TMPRSS3: variants seen among roughly 807,000 people sequenced by gnomAD.
The protein encoded by TMPRSS3 is transmembrane serine protease 3.
TMPRSS3 carries 55 observed loss-of-function variants against 59.6 expected under a neutral mutation model. The observed-to-expected ratio is 0.92, with a 90% CI of 0.74 to 1.16. TMPRSS3 has a LOEUF of 1.16. Among genes scored for constraint, TMPRSS3 ranks in the 50% most tolerant of loss-of-function variants. The pLI is 0.00. For missense variants in TMPRSS3, 596 were observed against 579.4 expected, an observed-to-expected ratio of 1.03 and a Z score of -0.29; for synonymous variants, 257 against 237.7, an observed-to-expected ratio of 1.08 and a Z score of -0.75.
chr21:42,378,287 G>T (rs1438638430), intron 10 of TMPRSS3, among the ~76,000 whole-genome samples: 2 of 152,214 alleles, frequency 1.3e-5, no homozygotes, highest in South Asian at 2.1e-4. Context: ...CCTTCAGCTG[G>T]GGGTGGGCTC....
chr21:42,390,118 T>G, intron 2 of TMPRSS3, 81 bp from the exon 3 acceptor site: 1 of 1,054,676 alleles, frequency 9.5e-7, no homozygotes, highest in Admixed American at 1.9e-5. Context: ...TAACTATCCT[T>G]TCCCCCTCCC....
intron 12 of TMPRSS3, among the ~76,000 whole-genome samples, chr21:42,373,612 C>T (rs925367995): frequency 1.3e-5 from 2 of 152,250 alleles, no homozygotes; most frequent in African/African-American, 4.8e-5. Flanking sequence ...ATTTAACAAA[C>T]ATCCTGAGAG....
At chr21:42,376,894 C>T (rs566668462) in intron 10 of TMPRSS3, among the ~76,000 whole-genome samples, 23 of 152,292 alleles carry the variant, frequency 1.5e-4, no homozygotes, top group East Asian at 5.8e-4. Context: ...TGCCCTCCTA[C>T]GAGTGGCCGC....
At position 42,385,052 on chromosome 21, in the gene TMPRSS3, C is replaced by CCTTCCTTCCTCCCTCT. The variant is rs546624538; in HGVS notation, c.572+356_572+357insAGAGGGAGGAAGGAAG. 2.3e-3 allele frequency among the ~76,000 whole-genome samples: 283 copies of CCTTCCTTCCTCCCTCT among 125,452 alleles called. 5 individuals are homozygous for CCTTCCTTCCTCCCTCT. Among genetic ancestry groups the CCTTCCTTCCTCCCTCT allele is most frequent in the Middle Eastern group, 8.0e-3 (2 of 250 alleles). The allele number at this position is 125,452 out of a possible 152,430, so 82.3% of individuals were successfully genotyped here. On this transcript the variant is annotated intron_variant, in intron 6 of 12. Transcript: ENST00000644384. ...CCCTCTCTTCCTCCCTCCCTCCCTT[C>CCTTCCTTCCTCCCTCT]CTTCCTCCCTCCCTCCCTCCCTTCC...
chr21:42,396,021 C>G lies in TMPRSS3; in HGVS notation c.-131G>C, dbSNP rs56369547. The stretch of plus-strand genomic sequence containing the variant: ...CAGTGTTACTGGCTTCCCATAAACA[C>G]AGCCCTTTCCTGGCTCACACGGGCA... On this transcript the variant is annotated 5_prime_UTR_variant, in exon 1 of 13. Transcript: ENST00000644384. 3,752 of 519,004 alleles carry G rather than the reference C, an allele frequency of 7.2e-3. 22 individuals are homozygous for G. The highest frequency in any genetic ancestry group is 0.01 in the Non-Finnish European group (2,612 of 259,866). The allele number at this position is 519,004 out of a possible 1,614,324, so 32.1% of individuals were successfully genotyped here.
rs1381470681 is a variant in TMPRSS3, at chr21:42,372,687, A to T, written c.*75T>A. The T allele has an allele frequency of 1.3e-6, 2 of 1,522,988 alleles. No homozygotes were observed. The highest frequency in any genetic ancestry group is 1.7e-5 in the Admixed American group (1 of 59,928). The allele number at this position is 1,522,988 out of a possible 1,614,324, so 94.3% of individuals were successfully genotyped here. ...GGTGTCTGCTCGTGTGCAGGTTCCT[A>T]CACGGGAGTCCAGGGGAGGATCGGG... is the stretch of plus-strand genomic sequence containing the variant. On this transcript the variant is annotated 3_prime_UTR_variant, in exon 13 of 13. Coordinates refer to ENST00000644384, the MANE Select transcript of TMPRSS3 (RefSeq NM_001256317.3).
chr21:42,390,437 G>A (rs2052716827), intron 2 of TMPRSS3: 1 of 244,426 alleles, frequency 4.1e-6, no homozygotes, highest in Non-Finnish European at 8.1e-6. Context: ...TTATAAAAAG[G>A]GGGAAAACAG....
intron 7 of TMPRSS3, chr21:42,383,599 G>A: frequency 1.9e-6 from 1 of 515,256 alleles, no homozygotes; most frequent in South Asian, 2.0e-5. Context: ...CCCTTGTGGT[G>A]TGAACACTCC....
chr21:42,388,913 A>C lies in TMPRSS3; in HGVS notation c.322+16T>G. The C allele has an allele frequency of 1.2e-5, 19 of 1,607,512 alleles. No homozygotes were observed. The highest frequency in any genetic ancestry group is 1.4e-5 in the Non-Finnish European group (17 of 1,174,152). ...TGCTTCCTTCTGTTTCCCCAGGGGA[A>C]GAGCCATGACCTTACCACAGCGGTA... On this transcript the variant is annotated intron_variant, in intron 4 of 12. Coordinates refer to ENST00000644384, the MANE Select transcript of TMPRSS3 (RefSeq NM_001256317.3). The surrounding 1 kb of genome is among the most constrained non-coding windows in gnomAD (Gnocchi z 5.1).
chr21:42,380,702 A>G (rs763125242), intron 9 of TMPRSS3, among the ~76,000 whole-genome samples: 3 of 152,236 alleles, frequency 2.0e-5, no homozygotes, highest in Non-Finnish European at 4.4e-5. Flanking sequence ...GGCTCCATGA[A>G]TATTGCTATG....
Position 42,372,517 on chromosome 21 carries a change from G to A in TMPRSS3, c.*245C>T, listed in dbSNP as rs755324540. On this transcript the variant is annotated 3_prime_UTR_variant, in exon 13 of 13. Transcript: ENST00000644384. ...GGAGGCTGCAGTGAGCAGGGATTTC[G>A]CCACTGCACTCCAGCCTGGGCAACA... 86 of 647,884 alleles carry A rather than the reference G, an allele frequency of 1.3e-4. No individual in the cohort carries two copies. The highest frequency in any genetic ancestry group is 2.0e-4 in the Non-Finnish European group (71 of 351,686). 40.1% of individuals were successfully genotyped at this position (647,884 alleles called of 1,614,324 possible). A position where few individuals can be genotyped will look rare whatever the true frequency, so the allele number is the denominator to read the frequency against.
intron 10 of TMPRSS3, among the ~76,000 whole-genome samples, chr21:42,378,763 G>A (rs1262408853): frequency 6.6e-6 from 1 of 152,134 alleles, no homozygotes; most frequent in African/African-American, 2.4e-5. Context: ...TGTCACCCAG[G>A]ATGGAGTATG....
chr21:42,380,066 C>A (rs760875019), intron 10 of TMPRSS3, 51 bp downstream of exon 10: 4 of 1,494,120 alleles, frequency 2.7e-6, no homozygotes, highest in Middle Eastern at 1.9e-4. Context: ...CCTCCGCAGC[C>A]CTCTGGGTTC....
chr21:42,383,765 T>C (rs1327307005), intron 7 of TMPRSS3: 2 of 716,664 alleles, frequency 2.8e-6, no homozygotes, highest in Non-Finnish European at 5.2e-6. Context: ...TTGCTCTGGC[T>C]GTCTCCCCCA....
rs727503492 is a variant in TMPRSS3 at position 42,376,583 on chromosome 21, C to A, written c.1149G>T (p.Met383Ile). ...CACCCGTCAGGTAGCCCGCGCAGAG[C>A]ATGGAGGGGGAGATGATGCCACCGT... The part of the protein sequence containing the change: ...DVYGGIISPS[M>I]LCAGYLTGGV... Residue 383 changes from methionine to isoleucine, a missense_variant, in exon 11 of 13, where the codon ATG becomes ATT. Transcript: ENST00000644384. 6.2e-7 allele frequency: 1 copy of A among 1,613,910 alleles called. No homozygotes were observed. Among genetic ancestry groups the A allele is most frequent in the Non-Finnish European group, 8.5e-7 (1 of 1,180,032 alleles).
At chr21:42,389,410 C>T (rs546880741) in intron 3 of TMPRSS3, among the ~76,000 whole-genome samples, 3 of 152,318 alleles carry the variant, frequency 2.0e-5, no homozygotes, top group East Asian at 1.9e-4. Context: ...TTTCTCTTAC[C>T]GAAGGCAGAA....
In TMPRSS3 at chr21:42,390,402, C is replaced by A. The variant is rs374541199; in HGVS notation, c.95-365G>T. 2.2e-4 allele frequency: 64 copies of A among 288,204 alleles called. No individual in the cohort carries two copies. In the East Asian group the frequency reaches 3.9e-3, roughly 17 times the overall value. 17.9% of individuals were successfully genotyped at this position (288,204 alleles called of 1,614,324 possible). ...AGTTAAAATGAGTCATTAGGGTGGG[C>A]CCTAATCCAACGTGGCTGTTGCCCT... On this transcript the variant is annotated intron_variant, in intron 2 of 12. Coordinates refer to ENST00000644384, the MANE Select transcript of TMPRSS3 (RefSeq NM_001256317.3).
Position 42,376,679 on chromosome 21 carries a change from G to C in TMPRSS3, c.1053C>G (p.Asp351Glu), listed in dbSNP as rs397517369. The C allele has an allele frequency of 6.2e-7, 1 of 1,614,046 alleles. No homozygotes were observed. The highest frequency in any genetic ancestry group is 8.5e-7 in the Non-Finnish European group (1 of 1,180,040). The stretch of plus-strand genomic sequence containing the variant: ...CCGCGTGGTTCAGGACAGGGGAGGC[G>C]TCACCTGCTTCAAAGTGAGTGAGGG... ...SGWGATEDGGDASPVLNHAAV... is the reference protein window; with the variant it reads ...SGWGATEDGGEASPVLNHAAV... The change falls in exon 11 of 13, where the codon GAC becomes GAG. Residue 351 changes from aspartate (D) to glutamate (E), a missense_variant. Transcript: ENST00000644384.
rs777595673 is a variant in TMPRSS3, at chr21:42,375,727, C to T, written c.1333G>A (p.Glu445Lys). 5.0e-6 allele frequency: 8 copies of T among 1,613,668 alleles called. No homozygotes were observed. The highest frequency in any genetic ancestry group is 2.7e-5 in the African/African-American group (2 of 74,926). The change falls in exon 12 of 13, where the codon GAG (glutamate) becomes AAG (lysine). Residue 445 changes from glutamate (E) to lysine (K), a missense_variant. Physicochemically the swap from Glu to Lys is moderately conservative, Grantham distance 56. Transcript: ENST00000644384. ...GGCGCCGCACCCACCTCCATCTGCT[C>T]GTGGATCCAGTCCAGGAAGGAGGTG... ...RVTSFLDWIH[E>K]QMERDLKT
Sources: allele counts gnomAD v4.1 joint callset (sites outside exome capture counted in the v4.1 genomes callset), GRCh38; gene constraint gnomAD v4.1.1; non-coding constraint Gnocchi (gnomAD v3.1); transcripts MANE v1.5; gene names NCBI Gene and HGNC (gene_info 2026-07-23, HGNC 2026-07-21).